NUFIP1: variants seen among roughly 807,000 people sequenced by gnomAD.
NUFIP1 encodes the protein nuclear FMR1 interacting protein 1, also known as FMR1-interacting protein NUFIP1.
NUFIP1 carries 38 observed loss-of-function variants against 56.2 expected under a neutral mutation model. That is an observed-to-expected ratio of 0.68 (90% CI 0.52 to 0.89). The LOEUF (loss-of-function observed/expected upper bound fraction) is 0.89, where lower values mean the gene tolerates loss of function less well. Ranked by LOEUF, NUFIP1 falls within the 40% of genes least tolerant of loss-of-function variation. The probability of loss-of-function intolerance (pLI) is 0.00; values close to 1 mark genes in which losing one functional copy is unlikely to be tolerated. For missense variants in NUFIP1, 567 were observed against 605.8 expected (o/e 0.94, Z 0.67); for synonymous variants, 215 against 212.4 (o/e 1.01, Z -0.10).
intron 1 of NUFIP1, among the ~76,000 whole-genome samples, chr13:44,986,031 T>C (rs1872376918): frequency 6.6e-6 from 1 of 152,160 alleles, no homozygotes; most frequent in African/African-American, 2.4e-5. Flanking sequence ...TCATAGCTCA[T>C]TGCAGCCTCA....
At chr13:44,980,457 A>G (rs1566064440) in intron 3 of NUFIP1, among the ~76,000 whole-genome samples, 1 of 152,274 alleles carries the variant, frequency 6.6e-6, no homozygotes, top group East Asian at 1.9e-4. Flanking sequence ...AGAGGAGAGG[A>G]CAGCCTCTTC....
At chr13:44,980,581 C>T (rs1385117774) in intron 3 of NUFIP1, 141 bp downstream of exon 3, 1 of 645,808 alleles carries the variant, frequency 1.5e-6, no homozygotes, top group South Asian at 1.9e-5. Flanking sequence ...AGGGTCACTG[C>T]CCCTATCTGT....
chr13:44,980,808 GTTCCT>G lies in NUFIP1; in HGVS notation c.503_507del (p.Lys168ThrfsTer8), dbSNP rs1198593491. ...GTATCACAAAAAAAGTGAAAAACTGGTTCCTTTCTTTTCTGCAAACAAAAACAGAG... is the reference window on the plus strand; with the variant it reads ...GTATCACAAAAAAAGTGAAAAACTGGTTCTTTTCTGCAAACAAAAACAGAG... On this transcript the variant is annotated frameshift_variant, in exon 3 of 10. Transcript: ENST00000379161. LOFTEE classifies it high-confidence loss of function. The G allele has an allele frequency of 6.3e-7, 1 of 1,595,894 alleles. No individual in the cohort carries two copies. The highest frequency in any genetic ancestry group is 8.5e-7 in the Non-Finnish European group (1 of 1,175,620).
chr13:44,949,222 G>C (rs1870999658), intron 8 of NUFIP1, among the ~76,000 whole-genome samples: 2 of 59,032 alleles, frequency 3.4e-5, no homozygotes, highest in Admixed American at 2.5e-4. Flanking sequence ...TTTTTTTTGA[G>C]ACGGAGTCTC....
chr13:44,955,882 G>GCC (rs1871217374), intron 7 of NUFIP1, among the ~76,000 whole-genome samples: 1 of 151,766 alleles, frequency 6.6e-6, no homozygotes, highest in Non-Finnish European at 1.5e-5. Context: ...GGTGGCTCAC[G>GCC]CCTGTAATCC....
intron 8 of NUFIP1, among the ~76,000 whole-genome samples, chr13:44,945,260 G>C (rs1870870214): frequency 6.6e-6 from 1 of 151,764 alleles, no homozygotes; most frequent in African/African-American, 2.4e-5. Context: ...AACAACTTAG[G>C]TGAAGCAAAT....
In NUFIP1 at chr13:44,949,844, G is replaced by C; in HGVS notation, c.1022-6C>G. The C allele has an allele frequency of 8.1e-7, 1 of 1,231,962 alleles. No homozygotes were observed. Among genetic ancestry groups the C allele is most frequent in the Non-Finnish European group, 1.2e-6 (1 of 836,324 alleles). 76.3% of individuals were successfully genotyped at this position (1,231,962 alleles called of 1,614,324 possible). On this transcript the variant is annotated splice_polypyrimidine_tract_variant and splice_region_variant and intron_variant, in intron 7 of 9. Coordinates refer to ENST00000379161, the MANE Select transcript of NUFIP1 (RefSeq NM_012345.3). ...TTTCTCCTCCTTATCAGACTCTGAA[G>C]GGAAAAGAAGTCAGATTCAAAACAT... is the stretch of plus-strand genomic sequence containing the variant.
chr13:44,964,628 G>T (rs553336180), intron 6 of NUFIP1, among the ~76,000 whole-genome samples: 10 of 152,188 alleles, frequency 6.6e-5, no homozygotes, highest in Admixed American at 4.6e-4. Flanking sequence ...GAAAGAGAGA[G>T]AACTCTAGAG....
intron 1 of NUFIP1, among the ~76,000 whole-genome samples, chr13:44,987,975 T>A (rs1872472093): frequency 6.6e-6 from 1 of 152,232 alleles, no homozygotes; most frequent in African/African-American, 2.4e-5. Flanking sequence ...CCCATTCTGA[T>A]GTATAGCTTC....
intron 5 of NUFIP1, among the ~76,000 whole-genome samples, chr13:44,968,230 ACAGT>A (rs1371849009): frequency 3.3e-5 from 5 of 152,300 alleles, no homozygotes; most frequent in East Asian, 3.9e-4. Context: ...TAAAAATCTG[ACAGT>A]CAGCAATACA....
chr13:44,972,124 T>C (rs535219108), intron 5 of NUFIP1, among the ~76,000 whole-genome samples: 11 of 152,332 alleles, frequency 7.2e-5, no homozygotes, highest in Admixed American at 2.0e-4. Flanking sequence ...AAGTTAAACA[T>C]ATGCTTACCA....
chr13:44,942,831 T>C (rs1870786387), intron 9 of NUFIP1, among the ~76,000 whole-genome samples: 1 of 151,982 alleles, frequency 6.6e-6, no homozygotes, highest in Admixed American at 6.6e-5. Flanking sequence ...ATTAGCATGG[T>C]AGTGCATGCC....
chr13:44,988,889 T>A, intron 1 of NUFIP1, 136 bp downstream of exon 1: 3 of 829,762 alleles, frequency 3.6e-6, no homozygotes, highest in Non-Finnish European at 5.5e-6. Context: ...GGGGTCTCAC[T>A]TTGCTTTGAG....
At chr13:44,954,599 C>T (rs1871168143) in intron 7 of NUFIP1, among the ~76,000 whole-genome samples, 1 of 152,204 alleles carries the variant, frequency 6.6e-6, no homozygotes, top group South Asian at 2.1e-4. Context: ...TATTTCTTTA[C>T]TTACTTATCC....
intron 7 of NUFIP1, among the ~76,000 whole-genome samples, chr13:44,955,444 G>C (rs760472236): frequency 1.1e-4 from 17 of 152,338 alleles, no homozygotes; most frequent in Admixed American, 7.8e-4. Context: ...TCTAGAACTT[G>C]AGTCTTGTTT....
At position 44,967,430 on chromosome 13, in the gene NUFIP1, C is replaced by T. The variant is rs996467530; in HGVS notation, c.735-1494G>A. 4.6e-5 allele frequency among the ~76,000 whole-genome samples: 7 copies of T among 151,644 alleles called. 1 individual carries two copies. The highest frequency in any genetic ancestry group is 2.0e-4 in the Admixed American group (3 of 15,264). Reference sequence around the variant, plus strand: ...GGCTGAGACAAGAGAATTGCTTGAACCCAGGAGGTGGAGGTTGCAGTGAGC... The same window carrying T: ...GGCTGAGACAAGAGAATTGCTTGAATCCAGGAGGTGGAGGTTGCAGTGAGC... On this transcript the variant is annotated intron_variant, in intron 5 of 9. Coordinates refer to ENST00000379161, the MANE Select transcript of NUFIP1 (RefSeq NM_012345.3).
intron 7 of NUFIP1, among the ~76,000 whole-genome samples, chr13:44,952,553 C>T (rs1320676386): frequency 6.6e-6 from 1 of 152,176 alleles, no homozygotes; most frequent in African/African-American, 2.4e-5. Flanking sequence ...GCTTTAATGT[C>T]CTTTCCCTCC....
chr13:44,986,558 G>C (rs776597240), intron 1 of NUFIP1, among the ~76,000 whole-genome samples: 3 of 152,162 alleles, frequency 2.0e-5, no homozygotes, highest in East Asian at 1.9e-4. Context: ...CGGGCGTGGT[G>C]GTGGGCGCCT....
rs760895384 is a variant in NUFIP1 at position 44,989,218 on chromosome 13, A to C, written c.219T>G (p.Ser73=). 30 of 1,611,046 alleles carry C rather than the reference A, an allele frequency of 1.9e-5. No homozygotes were observed. The Middle Eastern group carries it at 2.3e-3, about 126-fold the overall frequency. ...SESQPPMEAQ[S]LPGAPPPFDA... The stretch of plus-strand genomic sequence containing the variant: ...CGAAGGGGGGCGGAGCCCCGGGGAG[A>C]GACTGGGCCTCCATGGGGGGCTGCG... The change falls in exon 1 of 10, where the codon TCT becomes TCG. Residue 73 remains serine (S), a synonymous_variant. Transcript: ENST00000379161.
Sources: allele counts gnomAD v4.1 joint callset (sites outside exome capture counted in the v4.1 genomes callset), GRCh38; gene constraint gnomAD v4.1.1; transcripts MANE v1.5; gene names NCBI Gene and HGNC (gene_info 2026-07-23, HGNC 2026-07-21).